NRK: variants seen among roughly 807,000 people sequenced by gnomAD.
NRK encodes nik-related protein kinase.
Under a neutral mutation model 125.2 loss-of-function variants are expected in NRK, and 67 were observed. That is an observed-to-expected ratio of 0.54 (90% CI 0.44 to 0.66). The LOEUF (loss-of-function observed/expected upper bound fraction) is 0.66. NRK is among the 30% of genes least tolerant of loss of function. NRK has a pLI of 0.00. For synonymous variants in NRK, 458 were observed against 429.0 expected, an observed-to-expected ratio of 1.07 and a Z score of -0.84; for missense variants, 1,224 against 1,192.9, an observed-to-expected ratio of 1.03 and a Z score of -0.38.
At position 105,923,301 on chromosome X, in the gene NRK, G is replaced by C. The variant is rs2040477647; in HGVS notation, c.2794G>C (p.Gly932Arg). 1 of 1,195,374 alleles carries C rather than the reference G, an allele frequency of 8.4e-7. No homozygotes were observed. The highest frequency in any genetic ancestry group is 1.1e-6 in the Non-Finnish European group (1 of 882,685). ...ELYDASADTDGDDDDESNDTF... is the reference protein window; with the variant it reads ...ELYDASADTDRDDDDESNDTF... The stretch of plus-strand genomic sequence containing the variant: ...CTATGATGCCAGTGCTGATACTGAT[G>C]GTGATGATGATGATGAGTCTAATGA... The change falls in exon 18 of 29, where the codon GGT becomes CGT. Residue 932 changes from glycine (G) to arginine (R), a missense_variant. Gly to Arg is a moderately radical substitution (Grantham distance 125). Transcript: ENST00000243300.
intron 2 of NRK, among the ~76,000 whole-genome samples, chrX:105,876,825 T>G (rs2147702225): frequency 9.0e-6 from 1 of 111,574 alleles, no homozygotes; most frequent in African/African-American, 3.2e-5. Context: ...TCAGCTAAGA[T>G]CGCAAAACAG....
chrX:105,915,287 G>A (rs1229865966), intron 14 of NRK, among the ~76,000 whole-genome samples: 1 of 110,803 alleles, frequency 9.0e-6, no homozygotes, highest in African/African-American at 3.3e-5. Context: ...AAAAGGATGA[G>A]TGTATAAGAA....
chrX:105,883,888 T>C (rs1443411086), intron 4 of NRK, among the ~76,000 whole-genome samples: 1 of 112,854 alleles, frequency 8.9e-6, no homozygotes, highest in Non-Finnish European at 1.9e-5. Context: ...GTCCCTGTGG[T>C]TTGCTAGTCT....
intron 21 of NRK, 129 bp downstream of exon 21, chrX:105,935,454 C>T (rs1378736277): frequency 5.2e-5 from 24 of 462,024 alleles, no homozygotes; most frequent in Non-Finnish European, 8.2e-5. Flanking sequence ...AGTTAATTTG[C>T]TCAGAATTGG....
At position 105,956,547 on chromosome X, in the gene NRK, T is replaced by TATTAAACAAAAAGA. The variant is rs1314003647; in HGVS notation, c.*956_*969dup. On this transcript the variant is annotated 3_prime_UTR_variant, in exon 29 of 29. Coordinates refer to ENST00000243300, the MANE Select transcript of NRK (RefSeq NM_198465.4). The stretch of plus-strand genomic sequence containing the variant: ...AGACTACACAAAAGCTTCCTTCCAG[T>TATTAAACAAAAAGA]ATTAAACAAAAAGAATTAAACATAA... 4.5e-5 allele frequency: 5 copies of TATTAAACAAAAAGA among 112,204 alleles called. No individual in the cohort carries two copies. Among genetic ancestry groups the TATTAAACAAAAAGA allele is most frequent in the African/African-American group, 1.6e-4 (5 of 30,883 alleles). The allele number at this position is 112,204 out of a possible 1,213,427, so 9.2% of individuals were successfully genotyped here.
At chrX:105,888,023 T>G (rs1220787535) in intron 4 of NRK, among the ~76,000 whole-genome samples, 1 of 112,272 alleles carries the variant, frequency 8.9e-6, no homozygotes, top group African/African-American at 3.2e-5. Flanking sequence ...CAGTGAAAAT[T>G]TTATACAGTG....
At chrX:105,949,358 T>A (rs1384674683) in intron 26 of NRK, among the ~76,000 whole-genome samples, 1 of 111,937 alleles carries the variant, frequency 8.9e-6, no homozygotes, top group Non-Finnish European at 1.9e-5. Context: ...TTCTCCTAAT[T>A]ATAAAGAAGA....
At chrX:105,865,091 T>A (rs1244856615) in intron 2 of NRK, among the ~76,000 whole-genome samples, 2 of 111,902 alleles carry the variant, frequency 1.8e-5, no homozygotes, top group African/African-American at 6.5e-5. Flanking sequence ...GAATCTCTCC[T>A]GCATTTAAAT....
intron 4 of NRK, among the ~76,000 whole-genome samples, chrX:105,887,282 T>G (rs1370393475): frequency 8.9e-6 from 1 of 112,006 alleles, no homozygotes; most frequent in Non-Finnish European, 1.9e-5. Flanking sequence ...AATTTTGTAT[T>G]AGACATTTCT....
intron 5 of NRK, among the ~76,000 whole-genome samples, chrX:105,888,951 C>T (rs934087108): frequency 9.0e-6 from 1 of 111,395 alleles, no homozygotes; most frequent in Non-Finnish European, 1.9e-5. Context: ...CCTCCCAAAT[C>T]TCATCTCCTC....
chrX:105,895,171 A>G, intron 6 of NRK: 2 of 503,545 alleles, frequency 4.0e-6, no homozygotes, highest in Admixed American at 5.7e-5. Context: ...GGCCCAATGT[A>G]TACAAACATT....
At chrX:105,869,846 T>A (rs2039719816) in intron 2 of NRK, among the ~76,000 whole-genome samples, 1 of 112,397 alleles carries the variant, frequency 8.9e-6, no homozygotes, top group South Asian at 3.7e-4. Context: ...CTTACATCTG[T>A]CTGAGCAGAT....
At chrX:105,854,485 C>G (rs368402740) in intron 2 of NRK, among the ~76,000 whole-genome samples, 7 of 111,737 alleles carry the variant, frequency 6.3e-5, no homozygotes, top group African/African-American at 2.3e-4. Flanking sequence ...CACTTGCATA[C>G]AATTTTATAT....
chrX:105,825,762 A>G (rs2039084085), intron 1 of NRK, among the ~76,000 whole-genome samples: 2 of 111,298 alleles, frequency 1.8e-5, no homozygotes, highest in Non-Finnish European at 3.8e-5. Flanking sequence ...ATCAGAGACA[A>G]AATAAGAGAG....
At chrX:105,826,202 CA>C (rs2039095514) in intron 1 of NRK, among the ~76,000 whole-genome samples, 1 of 81,462 alleles carries the variant, frequency 1.2e-5, no homozygotes, top group African/African-American at 4.7e-5. Context: ...AATATATTAT[CA>C]TATATATAAT....
chrX:105,912,976 A>C (rs144739428), intron 14 of NRK, among the ~76,000 whole-genome samples: 1,748 of 112,314 alleles, frequency 0.016, 36 homozygotes, highest in African/African-American at 0.053. Flanking sequence ...AAACTATTAC[A>C]TGTTAACATA....
intron 2 of NRK, among the ~76,000 whole-genome samples, chrX:105,870,900 G>A (rs1477393053): frequency 4.5e-5 from 5 of 111,473 alleles, no homozygotes; most frequent in Admixed American, 2.9e-4. Context: ...TGGTGATTCT[G>A]TAGCTTTTTA....
At chrX:105,921,234 A>G (rs1295264438) in intron 16 of NRK, among the ~76,000 whole-genome samples, 2 of 106,325 alleles carry the variant, frequency 1.9e-5, no homozygotes, top group African/African-American at 6.9e-5. Context: ...CACAAGAACA[A>G]AAAACCAAAC....
intron 28 of NRK, 105 bp from the exon 29 acceptor site, chrX:105,955,400 G>A (rs901901928): frequency 2.2e-6 from 1 of 464,749 alleles, no homozygotes. Context: ...AAACAGTAAG[G>A]CTTAATATCT....
Sources: gnomAD v4.1 joint callset for allele counts (sites outside exome capture counted in the v4.1 genomes callset) on GRCh38, gnomAD v4.1.1 for gene constraint, MANE v1.5 for transcripts, NCBI Gene and HGNC (gene_info 2026-07-23, HGNC 2026-07-21) for gene names.